Variants in RIMBP2 observed in about 807,000 individuals in gnomAD.
RIMBP2 encodes the protein RIMS-binding protein 2.
In RIMBP2, 48 loss-of-function variants were observed where a neutral mutation model predicts 118.6. That is an observed-to-expected ratio of 0.40 (90% CI 0.32 to 0.51). The LOEUF (loss-of-function observed/expected upper bound fraction) is 0.51, where lower values mean the gene tolerates loss of function less well. RIMBP2 is among the 20% of genes least tolerant of loss of function. The probability of loss-of-function intolerance (pLI) is 0.41; values close to 1 mark genes in which losing one functional copy is unlikely to be tolerated. For synonymous variants in RIMBP2, 762 were observed against 742.9 expected, an observed-to-expected ratio of 1.03 and a Z score of -0.42; for missense variants, 1,551 against 1,768.3, an observed-to-expected ratio of 0.88 and a Z score of 2.20.
intron 2 of RIMBP2, among the ~76,000 whole-genome samples, chr12:130,534,518 G>A (rs973464348): frequency 7.9e-5 from 12 of 152,190 alleles, no homozygotes; most frequent in African/African-American, 2.7e-4. Flanking sequence ...TATCCATGTA[G>A]CAAAACTGCA....
intron 2 of RIMBP2, among the ~76,000 whole-genome samples, chr12:130,544,596 C>CTTTTTTT (rs35041449): frequency 8.0e-5 from 8 of 100,522 alleles, no homozygotes; most frequent in South Asian, 4.0e-4. Context: ...AACTGGAGGC[C>CTTTTTTT]TTTTTTTTTT....
intron 1 of RIMBP2, among the ~76,000 whole-genome samples, chr12:130,645,947 C>A (rs1430110635): frequency 6.6e-6 from 1 of 152,134 alleles, no homozygotes; most frequent in Non-Finnish European, 1.5e-5. Context: ...GCTTTGTTTG[C>A]ACTCCTATGC....
At chr12:130,451,432 C>T in intron 7 of RIMBP2, 92 bp from the exon 8 acceptor site, 1 of 1,340,336 alleles carries the variant, frequency 7.5e-7, no homozygotes, top group Non-Finnish European at 1.0e-6. Flanking sequence ...TGCCTTTCCC[C>T]TCTTTGACAA....
chr12:130,566,609 A>C (rs1036493346), intron 2 of RIMBP2, among the ~76,000 whole-genome samples: 1 of 152,158 alleles, frequency 6.6e-6, no homozygotes, highest in African/African-American at 2.4e-5. Flanking sequence ...CAGCAACCGC[A>C]CCAGACAAGT....
intron 2 of RIMBP2, among the ~76,000 whole-genome samples, chr12:130,536,231 G>A (rs1593701148): frequency 2.0e-5 from 3 of 152,064 alleles, no homozygotes; most frequent in Admixed American, 6.6e-5. Flanking sequence ...TGGGGGACAG[G>A]TTCTTACCCA....
intron 2 of RIMBP2, among the ~76,000 whole-genome samples, chr12:130,610,209 G>A (rs868572717): frequency 2.1e-4 from 31 of 147,098 alleles, no homozygotes; most frequent in Admixed American, 1.3e-3. Context: ...TGCTCCTCCC[G>A]GTCCCTCCCG....
intron 17 of RIMBP2, among the ~76,000 whole-genome samples, chr12:130,415,927 C>G (rs1263983969): frequency 6.6e-6 from 1 of 151,562 alleles, no homozygotes; most frequent in Non-Finnish European, 1.5e-5. Context: ...AAGCTGAGAG[C>G]CAAATCATGA....
intron 4 of RIMBP2, among the ~76,000 whole-genome samples, chr12:130,492,446 AGAG>A (rs1157263716): frequency 6.6e-6 from 1 of 151,542 alleles, no homozygotes; most frequent in Non-Finnish European, 1.5e-5. Flanking sequence ...GGAAAAAAAA[AGAG>A]AGAGAGAGAG....
At chr12:130,594,442 G>A (rs1051146777) in intron 2 of RIMBP2, among the ~76,000 whole-genome samples, 3 of 152,204 alleles carry the variant, frequency 2.0e-5, no homozygotes, top group African/African-American at 7.2e-5. Context: ...AGGTTTACTT[G>A]TATAATACTT....
chr12:130,440,625 A>C (rs577323895), intron 11 of RIMBP2, among the ~76,000 whole-genome samples: 1 of 152,224 alleles, frequency 6.6e-6, no homozygotes, highest in South Asian at 2.1e-4. Context: ...CGCACTCATC[A>C]GAAGGCATCG....
intron 2 of RIMBP2, among the ~76,000 whole-genome samples, chr12:130,535,629 A>C (rs954088511): frequency 1.3e-5 from 2 of 150,726 alleles, no homozygotes; most frequent in Non-Finnish European, 3.0e-5. Flanking sequence ...CTCTCTCTAT[A>C]TATATACACA....
intron 12 of RIMBP2, 30 bp downstream of exon 12, chr12:130,438,335 A>ACCGGCCCCCCCC: frequency 1.2e-6 from 1 of 865,012 alleles, no homozygotes; most frequent in East Asian, 2.8e-5. Flanking sequence ...GGCCTAACAA[A>ACCGGCCCCCCCC]CCCTCCCCAC....
At chr12:130,580,953 TTGTG>T (rs967999522) in intron 2 of RIMBP2, among the ~76,000 whole-genome samples, 1 of 129,968 alleles carries the variant, frequency 7.7e-6, no homozygotes, top group South Asian at 2.3e-4. Context: ...GTGTGTTTGT[TTGTG>T]TGTGTGTGTG....
At chr12:130,712,298 G>A (rs1309742937) in intron 1 of RIMBP2, among the ~76,000 whole-genome samples, 3 of 152,114 alleles carry the variant, frequency 2.0e-5, no homozygotes, top group African/African-American at 7.2e-5. Flanking sequence ...GGACTCTTTT[G>A]TAATAATACT....
intron 4 of RIMBP2, among the ~76,000 whole-genome samples, chr12:130,489,307 A>G (rs905581314): frequency 6.6e-6 from 1 of 152,178 alleles, no homozygotes; most frequent in Non-Finnish European, 1.5e-5. Flanking sequence ...ATGGAATCCC[A>G]CAACATCTTG....
At position 130,407,768 on chromosome 12, in the gene RIMBP2, A is replaced by G; in HGVS notation, c.3651T>C (p.Tyr1217=). The change falls in exon 20 of 23, where the codon TAT becomes TAC. Residue 1217 remains tyrosine, a synonymous_variant. Transcript: ENST00000690449. The stretch of plus-strand genomic sequence containing the variant: ...GCGAGCTTTCTCTGGGGTCGTAGTC[A>G]TACAGGGCCACCATTCTCCGCGTCG... ...SVSTRRMVAL[Y]DYDPRESSPN... 1 of 1,614,200 alleles carries G rather than the reference A, an allele frequency of 6.2e-7. No individual in the cohort carries two copies. Among genetic ancestry groups the G allele is most frequent in the South Asian group, 1.1e-5 (1 of 91,078 alleles).
intron 2 of RIMBP2, among the ~76,000 whole-genome samples, chr12:130,570,957 C>A (rs1372067588): frequency 6.6e-6 from 1 of 152,124 alleles, no homozygotes; most frequent in Non-Finnish European, 1.5e-5. Flanking sequence ...TCGCTGGTGC[C>A]AGGAACACAA....
intron 1 of RIMBP2, among the ~76,000 whole-genome samples, chr12:130,702,215 A>T (rs2065886265): frequency 6.6e-6 from 1 of 152,164 alleles, no homozygotes; most frequent in South Asian, 2.1e-4. Flanking sequence ...CACCAAGAGC[A>T]ATGAAATAAC....
intron 6 of RIMBP2, among the ~76,000 whole-genome samples, chr12:130,464,398 T>C (rs2080270210): frequency 6.6e-6 from 1 of 152,150 alleles, no homozygotes; most frequent in South Asian, 2.1e-4. Flanking sequence ...TGCCAGGCCC[T>C]ACGTGATTTC....
Sources: gnomAD v4.1 joint callset for allele counts (sites outside exome capture counted in the v4.1 genomes callset) on GRCh38, gnomAD v4.1.1 for gene constraint, MANE v1.5 for transcripts, NCBI Gene and HGNC (gene_info 2026-07-23, HGNC 2026-07-21) for gene names.